ATP2C2: variants seen among roughly 807,000 people sequenced by gnomAD.
ATP2C2 encodes the protein ATPase secretory pathway Ca2+ transporting 2.
ATP2C2 carries 171 observed loss-of-function variants against 110.8 expected under a neutral mutation model. That is an observed-to-expected ratio of 1.54 (90% CI 1.36 to 1.75). The LOEUF (loss-of-function observed/expected upper bound fraction) is 1.75. ATP2C2 is among the 40% of genes most tolerant of loss of function. The pLI is 0.00. For missense variants in ATP2C2, 1,963 were observed against 1,235.0 expected, an observed-to-expected ratio of 1.59 and a Z score of -8.84; for synonymous variants, 804 against 508.4, an observed-to-expected ratio of 1.58 and a Z score of -7.82.
rs1907423105 is a variant in ATP2C2 at position 84,422,422 on chromosome 16, C to A, written c.657C>A (p.Phe219Leu). The A allele has an allele frequency of 5.0e-6, 8 of 1,614,098 alleles. No homozygotes were observed. In the South Asian group the frequency reaches 8.8e-5, roughly 18 times the overall value. ...ACCTCTTGGTGGATGAATCCAGTTTCACCGGGGAAGCCGAGCCATGTAGTA... is the reference window on the plus strand; with the variant it reads ...ACCTCTTGGTGGATGAATCCAGTTTAACCGGGGAAGCCGAGCCATGTAGTA... The part of the protein sequence containing the change: ...VTDLLVDESS[F>L]TGEAEPCSKT... The change falls in exon 8 of 27, where the codon TTC becomes TTA. Residue 219 changes from phenylalanine (F) to leucine (L), a missense_variant. Coordinates refer to ENST00000262429, the MANE Select transcript of ATP2C2 (RefSeq NM_014861.4).
intron 7 of ATP2C2, among the ~76,000 whole-genome samples, chr16:84,416,707 C>T (rs1207720884): frequency 6.6e-6 from 1 of 152,122 alleles, no homozygotes; most frequent in Non-Finnish European, 1.5e-5. Flanking sequence ...GGTTCGCCCT[C>T]GGGCTCAGGC....
chr16:84,423,284 A>C, intron 10 of ATP2C2, 21 bp downstream of exon 10: 1 of 1,608,408 alleles, frequency 6.2e-7, no homozygotes, highest in Non-Finnish European at 8.5e-7. Flanking sequence ...CAGTTTCCAT[A>C]CTGGGTTTGT....
chr16:84,398,052 G>GTTTC (rs1259920520), intron 1 of ATP2C2, among the ~76,000 whole-genome samples: 2 of 151,768 alleles, frequency 1.3e-5, no homozygotes, highest in Admixed American at 1.3e-4. Context: ...GGTTATAAGG[G>GTTTC]TTAGTTTGTG....
At chr16:84,461,627 G>A (rs1242687109) in intron 24 of ATP2C2, 87 bp from the exon 25 acceptor site, 1 of 1,209,160 alleles carries the variant, frequency 8.3e-7, no homozygotes, top group African/African-American at 1.5e-5. Context: ...CATGCCCCAG[G>A]AGCAGTGAGG....
At chr16:84,386,187 A>T (rs1904319219) in intron 1 of ATP2C2, among the ~76,000 whole-genome samples, 2 of 152,100 alleles carry the variant, frequency 1.3e-5, no homozygotes, top group South Asian at 4.2e-4. Flanking sequence ...TATATTTAGA[A>T]AGCAAGATCT....
intron 17 of ATP2C2, among the ~76,000 whole-genome samples, chr16:84,449,105 GAA>G (rs1910023130): frequency 1.1e-5 from 1 of 90,536 alleles, no homozygotes; most frequent in South Asian, 3.9e-4. Context: ...CTGATGGGCT[GAA>G]CTGAACATTA....
intron 1 of ATP2C2, among the ~76,000 whole-genome samples, chr16:84,397,875 A>G (rs1317834337): frequency 6.6e-6 from 1 of 151,866 alleles, no homozygotes; most frequent in East Asian, 1.9e-4. Context: ...ATCAGACAAG[A>G]AAGCATGTAT....
At chr16:84,424,598 T>TTTTTTTTTTTTTTTTTTTC (rs1907641612) in intron 10 of ATP2C2, among the ~76,000 whole-genome samples, 1 of 132,206 alleles carries the variant, frequency 7.6e-6, no homozygotes, top group African/African-American at 2.6e-5. Context: ...TTTTTTTTTT[T>TTTTTTTTTTTTTTTTTTTC]TAACATTTTG....
intron 17 of ATP2C2, among the ~76,000 whole-genome samples, chr16:84,449,693 C>A: frequency 6.6e-6 from 1 of 152,194 alleles, no homozygotes; most frequent in East Asian, 1.9e-4. Flanking sequence ...AGCGACGGGG[C>A]TGTGGCGTCC....
At chr16:84,386,946 T>C (rs1369706082) in intron 1 of ATP2C2, among the ~76,000 whole-genome samples, 1 of 152,076 alleles carries the variant, frequency 6.6e-6, no homozygotes, top group Non-Finnish European at 1.5e-5. Flanking sequence ...CATTAAAAAA[T>C]ATTCAGGCAG....
At chr16:84,400,143 A>G (rs2151418196) in intron 2 of ATP2C2, among the ~76,000 whole-genome samples, 2 of 152,260 alleles carry the variant, frequency 1.3e-5, no homozygotes, top group African/African-American at 4.8e-5. Flanking sequence ...TATATGTACC[A>G]CATTTTCTTT....
At chr16:84,383,065 C>G (rs1418154548) in intron 1 of ATP2C2, among the ~76,000 whole-genome samples, 1 of 152,142 alleles carries the variant, frequency 6.6e-6, no homozygotes, top group Non-Finnish European at 1.5e-5. Context: ...GGATCCAGCG[C>G]TGGGCCTGCC....
chr16:84,396,531 C>T lies in ATP2C2; in HGVS notation c.100-1968C>T, dbSNP rs1158132332. Among the ~76,000 whole-genome samples the T allele has an allele frequency of 4.1e-5, 5 of 122,566 alleles. No homozygotes were observed. In the East Asian group the frequency reaches 1.2e-3, roughly 29 times the overall value. The allele number at this position is 122,566 out of a possible 152,430, so 80.4% of individuals were successfully genotyped here. On this transcript the variant is annotated intron_variant, in intron 1 of 26. Coordinates refer to ENST00000262429, the MANE Select transcript of ATP2C2 (RefSeq NM_014861.4). ...CACCACTGCACTCCAGCCTGGGTGA[C>T]AGAGTGAGGCTCTATCTCAAAAAAA... is the stretch of plus-strand genomic sequence containing the variant.
At chr16:84,380,356 T>A (rs1162997996) in intron 1 of ATP2C2, among the ~76,000 whole-genome samples, 1 of 152,250 alleles carries the variant, frequency 6.6e-6, no homozygotes, top group Non-Finnish European at 1.5e-5. Context: ...ATGTTTTTTT[T>A]CTTCTTTCCC....
intron 7 of ATP2C2, among the ~76,000 whole-genome samples, chr16:84,418,197 C>T (rs1030394745): frequency 6.6e-6 from 1 of 152,180 alleles, no homozygotes; most frequent in African/African-American, 2.4e-5. Context: ...ACCGGGTGGG[C>T]ATGAGCCCTG....
rs369304432 is a variant in ATP2C2, at chr16:84,442,473, A to G, written c.1312-37A>G. 23 of 1,602,812 alleles carry G rather than the reference A, an allele frequency of 1.4e-5. No individual in the cohort carries two copies. The East Asian group carries it at 3.4e-4, about 23-fold the overall frequency. ...CAATGTCTAACTTTTTCATGAGCCC[A>G]GTACTAACTACAGATGTCCGGACAA... On this transcript the variant is annotated intron_variant, in intron 14 of 26. Transcript: ENST00000262429.
intron 7 of ATP2C2, among the ~76,000 whole-genome samples, chr16:84,417,312 G>A (rs987836638): frequency 1.3e-5 from 2 of 152,106 alleles, no homozygotes; most frequent in Non-Finnish European, 2.9e-5. Flanking sequence ...AGCTCCTAGG[G>A]CGTGACTCGG....
intron 1 of ATP2C2, among the ~76,000 whole-genome samples, chr16:84,382,564 C>T (rs79377089): frequency 9.2e-5 from 14 of 152,186 alleles, no homozygotes; most frequent in Admixed American, 2.6e-4. Context: ...CAGCTCAACA[C>T]CATTGCAGCC....
In ATP2C2 at chr16:84,455,015, G is replaced by A. The variant is rs771140118; in HGVS notation, c.2147+31G>A. On this transcript the variant is annotated intron_variant, in intron 21 of 26. Coordinates refer to ENST00000262429, the MANE Select transcript of ATP2C2 (RefSeq NM_014861.4). Reference sequence around the variant, plus strand: ...CTGCCCTTCTGGTTGTTTTTCAGTTGCAAAAATGCCTGGGGTCACCAGCTT... The same window carrying A: ...CTGCCCTTCTGGTTGTTTTTCAGTTACAAAAATGCCTGGGGTCACCAGCTT... The A allele has an allele frequency of 8.9e-6, 14 of 1,574,762 alleles. No individual in the cohort carries two copies. In the Admixed American group the frequency reaches 2.2e-4, roughly 25 times the overall value.
Sources: gnomAD v4.1 joint callset for allele counts (sites outside exome capture counted in the v4.1 genomes callset) on GRCh38, gnomAD v4.1.1 for gene constraint, MANE v1.5 for transcripts, NCBI Gene and HGNC (gene_info 2026-07-23, HGNC 2026-07-21) for gene names.